The following MYLK4 variants were observed in gnomAD, a reference collection of about 807,000 sequenced individuals.
MYLK4 encodes myosin light chain kinase family member 4, also known as caMLCK like.
Under a neutral mutation model 48.1 loss-of-function variants are expected in MYLK4, and 46 were observed. The observed-to-expected ratio is 0.96, with a 90% CI of 0.75 to 1.22. The LOEUF (loss-of-function observed/expected upper bound fraction) is 1.22. Ranked by LOEUF, MYLK4 falls within the 50% of genes most tolerant of loss-of-function variation. The pLI is 0.00. For missense variants in MYLK4, 451 were observed against 486.1 expected (o/e 0.93, Z 0.68); for synonymous variants, 170 against 180.8 (o/e 0.94, Z 0.48).
chr6:2,725,555 CAAA>C (rs796885725), intron 2 of MYLK4, among the ~76,000 whole-genome samples: 48 of 89,736 alleles, frequency 5.3e-4, no homozygotes, highest in African/African-American at 1.3e-3. Flanking sequence ...AACAAAGAAA[CAAA>C]GAAAGAAAGA....
chr6:2,717,977 T>C (rs1469998699), intron 2 of MYLK4, among the ~76,000 whole-genome samples: 1 of 151,994 alleles, frequency 6.6e-6, no homozygotes, highest in Non-Finnish European at 1.5e-5. Flanking sequence ...GGTTGGGAGT[T>C]CGAGATCAGC....
intron 2 of MYLK4, among the ~76,000 whole-genome samples, chr6:2,712,278 A>G (rs1045220611): frequency 6.6e-6 from 1 of 152,172 alleles, no homozygotes; most frequent in Non-Finnish European, 1.5e-5. Flanking sequence ...TTGTCCATCA[A>G]CGGCAGTCAC....
chr6:2,724,342 G>C (rs988724719), intron 2 of MYLK4, among the ~76,000 whole-genome samples: 3 of 152,156 alleles, frequency 2.0e-5, no homozygotes, highest in Admixed American at 6.5e-5. Flanking sequence ...GAGTTGTCCT[G>C]GATAGGGGCA....
chr6:2,747,795 G>A (rs1764150813), intron 2 of MYLK4, among the ~76,000 whole-genome samples: 1 of 152,168 alleles, frequency 6.6e-6, no homozygotes, highest in Non-Finnish European at 1.5e-5. Context: ...AGAATATTTT[G>A]TCTTCTCTGT....
chr6:2,732,595 T>C (rs1763515408), intron 2 of MYLK4, among the ~76,000 whole-genome samples: 1 of 152,174 alleles, frequency 6.6e-6, no homozygotes, highest in Non-Finnish European at 1.5e-5. Context: ...ACAGAGTTTA[T>C]CGGCCAGCTC....
At chr6:2,740,356 T>G (rs1157061891) in intron 2 of MYLK4, among the ~76,000 whole-genome samples, 1 of 152,268 alleles carries the variant, frequency 6.6e-6, no homozygotes, top group Non-Finnish European at 1.5e-5. Flanking sequence ...TTACGCCTTC[T>G]TCCCAGGGTT....
rs1420175459 is a variant in MYLK4 at position 2,673,759 on chromosome 6, G to A, written c.1119+1288C>T. On this transcript the variant is annotated intron_variant, in intron 11 of 12. Coordinates refer to ENST00000274643, the MANE Select transcript of MYLK4 (RefSeq NM_001012418.5). The surrounding 1 kb of genome is among the most constrained non-coding windows in gnomAD (Gnocchi z 4.2). ...ACAATTATTTGGATGGAGACAACAT[G>A]AAGGAGGCAGAGAAGCCAGTTAGGA... is the stretch of plus-strand genomic sequence containing the variant. 1.3e-5 allele frequency among the ~76,000 whole-genome samples: 2 copies of A among 152,230 alleles called. No individual in the cohort carries two copies. Among genetic ancestry groups the A allele is most frequent in the Non-Finnish European group, 2.9e-5 (2 of 68,046 alleles).
At chr6:2,706,985 T>C (rs1762512746) in intron 2 of MYLK4, among the ~76,000 whole-genome samples, 2 of 152,222 alleles carry the variant, frequency 1.3e-5, no homozygotes, top group Admixed American at 6.5e-5. Context: ...CAGCTGCGTC[T>C]TTCTCAAAGT....
chr6:2,708,331 T>A (rs1010274237), intron 2 of MYLK4, among the ~76,000 whole-genome samples: 11 of 152,208 alleles, frequency 7.2e-5, no homozygotes, highest in Non-Finnish European at 1.2e-4. Context: ...TACATTCTCC[T>A]CTACTGGGTT....
rs746832600 is a variant in MYLK4, at chr6:2,680,300, A to C, written c.688-9T>G. 4 of 1,613,860 alleles carry C rather than the reference A, an allele frequency of 2.5e-6. No homozygotes were observed. Among genetic ancestry groups the C allele is most frequent in the Non-Finnish European group, 3.4e-6 (4 of 1,179,984 alleles). ...CACAGGATATTCTCAGGCTGCCAGG[A>C]GAAAGAGACACATTAGCAATGAAAA... On this transcript the variant is annotated splice_polypyrimidine_tract_variant and intron_variant, in intron 7 of 12. Coordinates refer to ENST00000274643, the MANE Select transcript of MYLK4 (RefSeq NM_001012418.5).
the MYLK4 span, among the ~76,000 whole-genome samples, chr6:2,762,544 C>T: frequency 6.6e-6 from 1 of 152,126 alleles, no homozygotes; most frequent in South Asian, 2.1e-4. Context: ...ACTGTATTTC[C>T]ACATTTAGTA....
At chr6:2,681,825 A>G (rs9503250) in intron 7 of MYLK4, among the ~76,000 whole-genome samples, 33,778 of 152,216 alleles carry the variant, frequency 0.22, 4,223 homozygotes, top group Non-Finnish European at 0.29. Flanking sequence ...ATGAAGCCTC[A>G]TATGGAGTCA....
intron 3 of MYLK4, among the ~76,000 whole-genome samples, chr6:2,689,843 G>A (rs1260001393): frequency 1.3e-5 from 2 of 152,220 alleles, no homozygotes; most frequent in African/African-American, 4.8e-5. Flanking sequence ...CATTTACCTT[G>A]TTCCAGGCAC....
chr6:2,764,291 C>G, the MYLK4 span, among the ~76,000 whole-genome samples: 1 of 152,158 alleles, frequency 6.6e-6, no homozygotes, highest in Non-Finnish European at 1.5e-5. Context: ...GGTGGCTCAG[C>G]CTGTAACCCC....
At chr6:2,717,672 T>C (rs774077615) in intron 2 of MYLK4, among the ~76,000 whole-genome samples, 3 of 152,218 alleles carry the variant, frequency 2.0e-5, no homozygotes, top group Admixed American at 6.5e-5. Context: ...TGGGTAGACA[T>C]TATTTTTTCC....
chr6:2,701,643 A>G (rs1762283673), intron 2 of MYLK4, among the ~76,000 whole-genome samples: 1 of 152,246 alleles, frequency 6.6e-6, no homozygotes, highest in Non-Finnish European at 1.5e-5. Flanking sequence ...CAAACTGCGT[A>G]GGTAAAAAAC....
intron 3 of MYLK4, 100 bp from the exon 4 acceptor site, chr6:2,689,056 T>C: frequency 1.2e-6 from 1 of 864,222 alleles, no homozygotes; most frequent in Admixed American, 1.9e-5. Flanking sequence ...CATTTAATAA[T>C]AAAATACAAG....
At chr6:2,679,580 G>GGCCGGGCGCGGTGGCTCACGCCTGTAAT in intron 8 of MYLK4, 172 bp from the exon 9 acceptor site, 1 of 834,034 alleles carries the variant, frequency 1.2e-6, no homozygotes, top group Non-Finnish European at 1.9e-6. Flanking sequence ...TTGTAAAGAG[G>GGCCGGGCGCGGTGGCTCACGCCTGTAAT]CCCCAGAAAA....
intron 2 of MYLK4, among the ~76,000 whole-genome samples, chr6:2,747,837 C>T (rs1764152694): frequency 6.6e-6 from 1 of 152,154 alleles, no homozygotes; most frequent in Non-Finnish European, 1.5e-5. Flanking sequence ...AAAAAATTAT[C>T]CTGTTTGTAC....
Sources: allele counts gnomAD v4.1 joint callset (sites outside exome capture counted in the v4.1 genomes callset), GRCh38; gene constraint gnomAD v4.1.1; non-coding constraint Gnocchi (gnomAD v3.1); transcripts MANE v1.5; gene names NCBI Gene and HGNC (gene_info 2026-07-23, HGNC 2026-07-21).